The following APBA2 variants were observed in gnomAD, a reference collection of about 807,000 sequenced individuals.
APBA2 encodes the protein amyloid beta precursor protein binding family A member 2.
APBA2 carries 30 observed loss-of-function variants against 75.0 expected under a neutral mutation model. The observed-to-expected ratio is 0.40, with a 90% CI of 0.30 to 0.54. The LOEUF (loss-of-function observed/expected upper bound fraction) is 0.54, where lower values mean the gene tolerates loss of function less well. Among genes scored for constraint, APBA2 ranks in the 20% least tolerant of loss-of-function variants. The pLI is 0.49. For synonymous variants in APBA2, 444 were observed against 409.6 expected (o/e 1.08, Z -1.01); for missense variants, 801 against 1,016.1 (o/e 0.79, Z 2.88).
At chr15:29,024,964 T>C (rs2040141445) in intron 3 of APBA2, among the ~76,000 whole-genome samples, 1 of 152,300 alleles carries the variant, frequency 6.6e-6, no homozygotes, top group South Asian at 2.1e-4. Context: ...GAGTGGGCAG[T>C]GTGCTTGTCC....
intron 2 of APBA2, among the ~76,000 whole-genome samples, chr15:28,925,644 T>G (rs1344609622): frequency 6.6e-6 from 1 of 152,202 alleles, no homozygotes; most frequent in Non-Finnish European, 1.5e-5. Flanking sequence ...AATGTGTATT[T>G]TGCTGTAGTT....
chr15:29,100,403 G>A (rs1465970254), intron 9 of APBA2, among the ~76,000 whole-genome samples: 1 of 152,230 alleles, frequency 6.6e-6, no homozygotes, highest in Non-Finnish European at 1.5e-5. Context: ...GAAGAAATGA[G>A]GTCCAGAGGT....
chr15:28,934,318 G>A (rs2034728360), intron 2 of APBA2, among the ~76,000 whole-genome samples: 1 of 152,194 alleles, frequency 6.6e-6, no homozygotes, highest in South Asian at 2.1e-4. Context: ...CTGTCTGCAG[G>A]TGAGTGCCAG....
At chr15:28,994,851 C>T (rs1452362548) in intron 2 of APBA2, among the ~76,000 whole-genome samples, 1 of 152,222 alleles carries the variant, frequency 6.6e-6, no homozygotes, top group Non-Finnish European at 1.5e-5. Context: ...GACCAGATTG[C>T]AGGTGCCCTG....
At chr15:29,011,841 A>G (rs2039419051) in intron 3 of APBA2, among the ~76,000 whole-genome samples, 1 of 152,250 alleles carries the variant, frequency 6.6e-6, no homozygotes, top group Non-Finnish European at 1.5e-5. Flanking sequence ...GCATTTAACT[A>G]GATACATATA....
At chr15:29,016,491 C>T (rs2039669378) in intron 3 of APBA2, among the ~76,000 whole-genome samples, 1 of 152,140 alleles carries the variant, frequency 6.6e-6, no homozygotes. Context: ...AGTATGGAGA[C>T]AACAGTCCCA....
At chr15:29,091,056 C>T (rs1172112223) in intron 6 of APBA2, among the ~76,000 whole-genome samples, 3 of 152,116 alleles carry the variant, frequency 2.0e-5, no homozygotes, top group Non-Finnish European at 4.4e-5. Flanking sequence ...TCTGATTCTC[C>T]TGGTGACAGG....
intron 14 of APBA2, among the ~76,000 whole-genome samples, chr15:29,114,953 GTC>G (rs1262413222): frequency 1.3e-5 from 2 of 151,560 alleles, no homozygotes; most frequent in South Asian, 2.1e-4. Flanking sequence ...GTGGCTGTGG[GTC>G]TGTGAGTGGG....
Position 28,954,596 on chromosome 15 carries a change from C to T in APBA2, c.-95+32847C>T, listed in dbSNP as rs148044273. On this transcript the variant is annotated intron_variant, in intron 2 of 14. Transcript: ENST00000683413. ...TATTTGTTTATTGTTGTCTGTGCCA[C>T]TCCAGACAGGAAGCCTGTGGGGGTT... Among the ~76,000 whole-genome samples, 38 of 152,322 alleles carry T rather than the reference C, an allele frequency of 2.5e-4. 2 individuals carry two copies. In the East Asian group the frequency reaches 7.3e-3, roughly 29 times the overall value.
At chr15:28,895,779 C>T (rs1365016984) in intron 1 of APBA2, among the ~76,000 whole-genome samples, 1 of 152,020 alleles carries the variant, frequency 6.6e-6, no homozygotes, top group Non-Finnish European at 1.5e-5. Flanking sequence ...TTTCATGCGC[C>T]ATAACTGGAA....
intron 4 of APBA2, among the ~76,000 whole-genome samples, chr15:29,055,683 G>A (rs188110663): frequency 8.1e-5 from 12 of 148,868 alleles, no homozygotes; most frequent in African/African-American, 3.1e-4. Context: ...GTGTGTGTGT[G>A]TGTGTGTGTG....
Position 29,117,325 on chromosome 15 carries a change from G to GAGAGTCACAGA in APBA2, c.*194_*204dup. On this transcript the variant is annotated 3_prime_UTR_variant, in exon 15 of 15. Transcript: ENST00000683413. ...AAAAAGGGGTATGTCTTTATCAAAG[G>GAGAGTCACAGA]AGAGTCACAGAACAAATGTTTGTTT... 1 of 607,794 alleles carries GAGAGTCACAGA rather than the reference G, an allele frequency of 1.6e-6. No individual in the cohort carries two copies. Among genetic ancestry groups the GAGAGTCACAGA allele is most frequent in the South Asian group, 1.9e-5 (1 of 51,574 alleles). 37.7% of individuals were successfully genotyped at this position (607,794 alleles called of 1,614,324 possible).
intron 10 of APBA2, among the ~76,000 whole-genome samples, chr15:29,104,518 A>G (rs1707300729): frequency 6.6e-6 from 1 of 152,234 alleles, no homozygotes; most frequent in African/African-American, 2.4e-5. Flanking sequence ...TTGCCATGTC[A>G]GAGTCGGTGA....
At chr15:29,114,687 G>C (rs180961197) in intron 14 of APBA2, among the ~76,000 whole-genome samples, 1 of 151,788 alleles carries the variant, frequency 6.6e-6, no homozygotes, top group Non-Finnish European at 1.5e-5. Context: ...GTGGGTAGGT[G>C]TGGGAAATGA....
At chr15:29,041,084 G>A (rs897348827) in intron 3 of APBA2, among the ~76,000 whole-genome samples, 1 of 152,086 alleles carries the variant, frequency 6.6e-6, no homozygotes, top group Non-Finnish European at 1.5e-5. Flanking sequence ...ATTACTGGAT[G>A]AGTTCAAAAG....
intron 1 of APBA2, among the ~76,000 whole-genome samples, chr15:28,898,240 C>T (rs1231589659): frequency 6.6e-6 from 1 of 152,134 alleles, no homozygotes; most frequent in Non-Finnish European, 1.5e-5. Flanking sequence ...GGTCATTTGT[C>T]ACAGCAACCG....
At chr15:29,047,319 T>C (rs1440493655) in intron 3 of APBA2, among the ~76,000 whole-genome samples, 1 of 152,146 alleles carries the variant, frequency 6.6e-6, no homozygotes, top group African/African-American at 2.4e-5. Context: ...GTCTGTGGTG[T>C]CAAACTCAGG....
intron 1 of APBA2, among the ~76,000 whole-genome samples, chr15:28,895,135 A>G (rs142030255): frequency 0.054 from 8,240 of 152,268 alleles, 724 homozygotes; most frequent in African/African-American, 0.18. Context: ...TCACATTATT[A>G]ACTGGCTCAC....
chr15:29,115,051 G>A (rs903521841), intron 14 of APBA2, among the ~76,000 whole-genome samples: 2 of 151,928 alleles, frequency 1.3e-5, no homozygotes, highest in Non-Finnish European at 2.9e-5. Flanking sequence ...GCACAAAGGG[G>A]CTGCAGGCTC....
Sources: allele counts gnomAD v4.1 joint callset (sites outside exome capture counted in the v4.1 genomes callset), GRCh38; gene constraint gnomAD v4.1.1; transcripts MANE v1.5; gene names NCBI Gene and HGNC (gene_info 2026-07-23, HGNC 2026-07-21).